NBAS: variants seen among roughly 807,000 people sequenced by gnomAD.
The protein encoded by NBAS is NBAS subunit of NRZ tethering complex.
In NBAS, 219 loss-of-function variants were observed where a neutral mutation model predicts 302.5. The ratio of observed to expected loss-of-function variants is 0.72; its 90% CI spans 0.65 to 0.81. The LOEUF (loss-of-function observed/expected upper bound fraction) is 0.81, where lower values mean the gene tolerates loss of function less well. Among genes scored for constraint, NBAS ranks in the 30% least tolerant of loss-of-function variants. NBAS has a pLI of 0.00. For missense variants in NBAS, 2,932 were observed against 2,841.6 expected, an observed-to-expected ratio of 1.03 and a Z score of -0.72; for synonymous variants, 1,118 against 1,021.6, an observed-to-expected ratio of 1.09 and a Z score of -1.80.
intron 44 of NBAS, among the ~76,000 whole-genome samples, chr2:15,245,439 G>A (rs995697583): frequency 3.9e-5 from 6 of 152,048 alleles, no homozygotes; most frequent in African/African-American, 7.2e-5. Context: ...GGCCTTCCCT[G>A]ACCACTCCAT....
chr2:15,283,838 T>A (rs1267589507), intron 42 of NBAS, among the ~76,000 whole-genome samples: 3 of 152,216 alleles, frequency 2.0e-5, no homozygotes, highest in Admixed American at 6.5e-5. Context: ...TGGGCAGATT[T>A]GGATCTTGAA....
At chr2:14,789,024 G>A in the NBAS span, among the ~76,000 whole-genome samples, 1 of 152,232 alleles carries the variant, frequency 6.6e-6, no homozygotes, top group African/African-American at 2.4e-5. Flanking sequence ...ACCTAAGCAA[G>A]GCTGGGCAAT....
chr2:15,383,613 G>A (rs185022145), intron 28 of NBAS, among the ~76,000 whole-genome samples: 15 of 152,272 alleles, frequency 9.9e-5, no homozygotes, highest in African/African-American at 2.9e-4. Flanking sequence ...TACAGTAAAG[G>A]TAAAGAAGCT....
At chr2:14,978,499 T>C in the NBAS span, among the ~76,000 whole-genome samples, 1 of 152,190 alleles carries the variant, frequency 6.6e-6, no homozygotes, top group African/African-American at 2.4e-5. Context: ...TATAAAAATG[T>C]ATTAGAAGAA....
the NBAS span, among the ~76,000 whole-genome samples, chr2:15,160,585 C>CGGGGGGGGG: frequency 4.3e-5 from 4 of 92,290 alleles, no homozygotes; most frequent in Admixed American, 1.1e-4. Flanking sequence ...CCAGTGTGGG[C>CGGGGGGGGG]GGGGGGAGGG....
At chr2:15,175,443 G>A (rs755807560) in intron 51 of NBAS, among the ~76,000 whole-genome samples, 2 of 152,162 alleles carry the variant, frequency 1.3e-5, no homozygotes, top group Non-Finnish European at 2.9e-5. Flanking sequence ...ATACAAAGCC[G>A]TTATAAATAC....
At chr2:15,308,398 T>C (rs374786060) in intron 39 of NBAS, 45 bp from the exon 40 acceptor site, 23 of 1,600,672 alleles carry the variant, frequency 1.4e-5, no homozygotes, top group Non-Finnish European at 2.0e-5. Context: ...AAGGAAATTA[T>C]GAAGATCATT....
chr2:15,507,640 A>G (rs193287439), intron 10 of NBAS, among the ~76,000 whole-genome samples: 6 of 152,348 alleles, frequency 3.9e-5, no homozygotes, highest in Non-Finnish European at 8.8e-5. Flanking sequence ...CTGACTCCAC[A>G]GCCTGGGTCC....
At chr2:15,533,679 CGTGTGTGTGTGTGTGTGT>C (rs59222907) in intron 9 of NBAS, among the ~76,000 whole-genome samples, 68,506 of 143,938 alleles carry the variant, frequency 0.48, 17,673 homozygotes, top group Non-Finnish European at 0.6. Context: ...GGGGGGTGTG[CGTGTGTGTGTGTGTGTGT>C]GTGTGTGTGT....
intron 33 of NBAS, among the ~76,000 whole-genome samples, chr2:15,354,802 C>G (rs919290564): frequency 6.6e-6 from 1 of 152,156 alleles, no homozygotes; most frequent in Non-Finnish European, 1.5e-5. Flanking sequence ...AGCAAAAATC[C>G]TACTAAGTCA....
chr2:15,553,389 A>G, intron 5 of NBAS, 37 bp downstream of exon 5: 1 of 1,549,526 alleles, frequency 6.5e-7, no homozygotes, highest in Non-Finnish European at 8.9e-7. Flanking sequence ...AATATTTCTC[A>G]AAGGAAATCT....
chr2:15,290,538 A>G (rs534147017), intron 41 of NBAS, among the ~76,000 whole-genome samples: 4 of 152,348 alleles, frequency 2.6e-5, no homozygotes, highest in African/African-American at 9.6e-5. Flanking sequence ...TTTATTCTGC[A>G]TGATAATCAC....
chr2:15,061,769 A>C, the NBAS span, among the ~76,000 whole-genome samples: 1 of 152,228 alleles, frequency 6.6e-6, no homozygotes. Context: ...CAGTGTGTTC[A>C]TGGGAACCAT....
the NBAS span, among the ~76,000 whole-genome samples, chr2:15,073,817 C>T: frequency 2.1e-4 from 32 of 152,264 alleles, no homozygotes; most frequent in African/African-American, 6.3e-4. Context: ...TTCTCACTGA[C>T]TCATTTTATG....
intron 44 of NBAS, among the ~76,000 whole-genome samples, chr2:15,244,557 G>A (rs1018381052): frequency 6.6e-6 from 1 of 152,138 alleles, no homozygotes; most frequent in Non-Finnish European, 1.5e-5. Context: ...TTTCCAAGGT[G>A]AGCGCTTAAT....
the NBAS span, among the ~76,000 whole-genome samples, chr2:14,791,564 G>C: frequency 6.6e-6 from 1 of 152,076 alleles, no homozygotes. Context: ...AGCACTCTGG[G>C]AGGCCGAGGC....
the NBAS span, among the ~76,000 whole-genome samples, chr2:15,039,392 G>T: frequency 6.6e-6 from 1 of 152,254 alleles, no homozygotes; most frequent in South Asian, 2.1e-4. Context: ...ATAGAAAAAA[G>T]TCAGGGAAGG....
chr2:15,096,539 GC>G, the NBAS span, among the ~76,000 whole-genome samples: 1 of 152,328 alleles, frequency 6.6e-6, no homozygotes, highest in South Asian at 2.1e-4. Flanking sequence ...CATTAGATGA[GC>G]CCTTCCTCCT....
the NBAS span, among the ~76,000 whole-genome samples, chr2:14,966,166 T>C: frequency 6.6e-6 from 1 of 152,168 alleles, no homozygotes; most frequent in Non-Finnish European, 1.5e-5. Flanking sequence ...AGCATGAACC[T>C]GGAAATCTTG....
Sources: allele counts gnomAD v4.1 joint callset (sites outside exome capture counted in the v4.1 genomes callset), GRCh38; gene constraint gnomAD v4.1.1; transcripts MANE v1.5; gene names NCBI Gene and HGNC (gene_info 2026-07-23, HGNC 2026-07-21).